Variants in TRAK1 observed in about 807,000 individuals in gnomAD.
The protein encoded by TRAK1 is trafficking kinesin-binding protein 1.
A neutral mutation model predicts 92.1 loss-of-function variants in TRAK1; 33 were observed. That is an observed-to-expected ratio of 0.36 (90% CI 0.27 to 0.48). The LOEUF (loss-of-function observed/expected upper bound fraction) is 0.48, where lower values mean the gene tolerates loss of function less well. Among genes scored for constraint, TRAK1 ranks in the 20% least tolerant of loss-of-function variants. TRAK1 has a pLI of 0.99. For synonymous variants in TRAK1, 521 were observed against 517.3 expected, an observed-to-expected ratio of 1.01 and a Z score of -0.10; for missense variants, 1,123 against 1,257.9, an observed-to-expected ratio of 0.89 and a Z score of 1.62.
chr3:42,099,553 G>A (rs548087856), intron 1 of TRAK1, among the ~76,000 whole-genome samples: 6 of 152,298 alleles, frequency 3.9e-5, no homozygotes, highest in African/African-American at 1.4e-4. Context: ...GAAAGACGAT[G>A]GTGAGCTAAG....
Position 42,045,580 on chromosome 3 carries a change from G to A in TRAK1, c.-519+31463G>A, listed in dbSNP as rs568254056. Reference sequence around the variant, plus strand: ...AACCCATTGTTCTCTGTGAGGTGGTGGGTCAGCATGGATCCGATCCTAGGT... The same window carrying A: ...AACCCATTGTTCTCTGTGAGGTGGTAGGTCAGCATGGATCCGATCCTAGGT... On this transcript the variant is annotated intron_variant, in intron 1 of 16. Coordinates refer to the TRAK1 transcript ENST00000487159. Among the ~76,000 whole-genome samples, 7 of 152,286 alleles carry A rather than the reference G, an allele frequency of 4.6e-5. No homozygotes were observed. The South Asian group carries it at 1.2e-3, about 27-fold the overall frequency.
intron 11 of TRAK1, among the ~76,000 whole-genome samples, chr3:42,200,318 G>A (rs1408323682): frequency 6.6e-6 from 1 of 152,130 alleles, no homozygotes; most frequent in South Asian, 2.1e-4. Flanking sequence ...GACAAATCTA[G>A]TATTTATCAT....
At chr3:42,018,487 A>G (rs1177720118) in intron 1 of TRAK1, among the ~76,000 whole-genome samples, 1 of 152,326 alleles carries the variant, frequency 6.6e-6, no homozygotes, top group Non-Finnish European at 1.5e-5. Flanking sequence ...ACATCCGACA[A>G]GGATGCTCCA....
chr3:42,143,189 T>G (rs1419826896), intron 2 of TRAK1, among the ~76,000 whole-genome samples: 1 of 152,172 alleles, frequency 6.6e-6, no homozygotes, highest in East Asian at 1.9e-4. Context: ...ATAGATATTT[T>G]CAGTTTAACT....
intron 1 of TRAK1, among the ~76,000 whole-genome samples, chr3:42,053,250 T>C (rs960852194): frequency 9.9e-5 from 15 of 151,768 alleles, no homozygotes; most frequent in Non-Finnish European, 2.1e-4. Context: ...TCGTGTAGTG[T>C]GATAGCCGAG....
intron 12 of TRAK1, among the ~76,000 whole-genome samples, chr3:42,201,492 A>G (rs1048598413): frequency 6.6e-5 from 10 of 152,026 alleles, no homozygotes; most frequent in South Asian, 2.1e-4. Context: ...CAGTTCTCCA[A>G]ATCTGTTCTG....
At chr3:42,156,058 G>A (rs2149277854) in intron 2 of TRAK1, among the ~76,000 whole-genome samples, 1 of 152,176 alleles carries the variant, frequency 6.6e-6, no homozygotes, top group East Asian at 1.9e-4. Flanking sequence ...CTGTGCCTTT[G>A]ATACGGCACA....
chr3:42,172,508 C>A (rs143223256), intron 2 of TRAK1, among the ~76,000 whole-genome samples: 1 of 152,178 alleles, frequency 6.6e-6, no homozygotes, highest in Non-Finnish European at 1.5e-5. Context: ...GCCTTGCACC[C>A]CCTCCCCCAT....
Position 42,200,907 on chromosome 3 carries a change from G to T in TRAK1, c.1280G>T (p.Gly427Val). The change falls in exon 12 of 16, where the codon GGC (glycine) becomes GTC (valine). Residue 427 changes from glycine to valine, a missense_variant. Transcript: ENST00000327628. ...SLTPSPMNIP[G>V]SNQSSAMNSL... ...ACCCCTTCTCCCATGAACATCCCCG[G>T]CTCCAACCAGTCCTCGGCCATGAAC... 3 of 1,614,094 alleles carry T rather than the reference G, an allele frequency of 1.9e-6. No individual in the cohort carries two copies. The South Asian group carries it at 3.3e-5, about 18-fold the overall frequency.
chr3:42,165,101 A>G (rs1426922775), intron 2 of TRAK1, among the ~76,000 whole-genome samples: 1 of 152,216 alleles, frequency 6.6e-6, no homozygotes, highest in Non-Finnish European at 1.5e-5. Flanking sequence ...AATGGTATTC[A>G]GGATTGCTCA....
chr3:42,166,885 G>A (rs1701933126), intron 2 of TRAK1, among the ~76,000 whole-genome samples: 1 of 152,204 alleles, frequency 6.6e-6, no homozygotes, highest in African/African-American at 2.4e-5. Context: ...CATGGGTAAT[G>A]GCTGTACAGA....
chr3:42,056,997 C>T (rs1236730868), intron 1 of TRAK1, among the ~76,000 whole-genome samples: 1 of 152,140 alleles, frequency 6.6e-6, no homozygotes, highest in African/African-American at 2.4e-5. Flanking sequence ...TAACCTGAGC[C>T]GTGCACAGCT....
intron 1 of TRAK1, among the ~76,000 whole-genome samples, chr3:42,119,268 A>G (rs558042449): frequency 1.2e-3 from 176 of 152,330 alleles, no homozygotes; most frequent in African/African-American, 4.1e-3. Context: ...GCTTTGCAAT[A>G]GAGAGTGACA....
intron 3 of TRAK1, among the ~76,000 whole-genome samples, chr3:42,182,668 G>A (rs1427846553): frequency 1.3e-5 from 2 of 152,174 alleles, no homozygotes; most frequent in Non-Finnish European, 2.9e-5. Flanking sequence ...GGAAGGCCTG[G>A]AGGAGAGAGA....
At chr3:42,122,687 G>T (rs1289128447) in intron 1 of TRAK1, among the ~76,000 whole-genome samples, 2 of 152,154 alleles carry the variant, frequency 1.3e-5, no homozygotes, top group Non-Finnish European at 1.5e-5. Flanking sequence ...GTTGCTTATT[G>T]TGGGCCCATC....
At chr3:42,149,362 G>T (rs1239925612) in intron 2 of TRAK1, 4 of 1,428,236 alleles carry the variant, frequency 2.8e-6, no homozygotes, top group Non-Finnish European at 3.6e-6. Flanking sequence ...TCTTTTCATT[G>T]CCCACTTTAC....
chr3:42,013,366 G>C (rs1398514701), upstream of TRAK1, among the ~76,000 whole-genome samples: 1 of 152,156 alleles, frequency 6.6e-6, no homozygotes, highest in Non-Finnish European at 1.5e-5. This position sits in a 1 kb window ranked among gnomAD's most constrained non-coding sequence, Gnocchi z 5.1. Flanking sequence ...AGAAGTGCTA[G>C]AAGTAAATAA....
At chr3:42,073,022 T>C (rs1321576344) in intron 1 of TRAK1, among the ~76,000 whole-genome samples, 10 of 152,060 alleles carry the variant, frequency 6.6e-5, no homozygotes. Flanking sequence ...TGGGCCTGAG[T>C]GTATATGAAA....
intron 1 of TRAK1, among the ~76,000 whole-genome samples, chr3:42,036,334 G>A (rs1702326007): frequency 1.3e-5 from 2 of 152,172 alleles, no homozygotes; most frequent in South Asian, 4.1e-4. Context: ...GTACATAGTA[G>A]GTACTCAGTA....
Sources: gnomAD v4.1 joint callset for allele counts (sites outside exome capture counted in the v4.1 genomes callset) on GRCh38, gnomAD v4.1.1 for gene constraint, Gnocchi (gnomAD v3.1) non-coding constraint, MANE v1.5 for transcripts, NCBI Gene and HGNC (gene_info 2026-07-23, HGNC 2026-07-21) for gene names.